IFRD2: variants seen among roughly 807,000 people sequenced by gnomAD.
The protein encoded by IFRD2 is interferon related developmental regulator 2.
Under a neutral mutation model 49.2 loss-of-function variants are expected in IFRD2, and 35 were observed. That is an observed-to-expected ratio of 0.71 (90% CI 0.54 to 0.94). IFRD2 has a LOEUF of 0.94. Among genes scored for constraint, IFRD2 ranks in the 40% least tolerant of loss-of-function variants. The pLI is 0.00. For missense variants in IFRD2, 561 were observed against 591.6 expected (o/e 0.95, Z 0.54); for synonymous variants, 275 against 239.7 (o/e 1.15, Z -1.36).
chr3:50,292,218 T>A lies in IFRD2; in HGVS notation c.57A>T (p.Gly19=), dbSNP rs782090954. The change falls in exon 1 of 12, where the codon GGA becomes GGT. Residue 19 remains glycine (G), a splice_region_variant and synonymous_variant. Transcript: ENST00000417626. The part of the protein sequence containing the change: ...TLRKGGQRRG[G]GARSSAQADS... The stretch of plus-strand genomic sequence containing the variant: ...TCCCGCGCCCCCCACCCCACTCACC[T>A]CCTCCACGGCGCTGACCACCCTTCC... The A allele has an allele frequency of 2.0e-5, 29 of 1,469,448 alleles. No individual in the cohort carries two copies. Among genetic ancestry groups the A allele is most frequent in the Non-Finnish European group, 2.4e-5 (27 of 1,112,588 alleles). 91.0% of individuals were successfully genotyped at this position (1,469,448 alleles called of 1,614,324 possible).
Position 50,289,744 on chromosome 3 carries a change from G to A in IFRD2, c.565C>T (p.Leu189=), listed in dbSNP as rs1553709444. Residue 189 remains leucine, a synonymous_variant, in exon 6 of 12, where the codon CTG becomes TTG. Coordinates refer to ENST00000417626, the MANE Select transcript of IFRD2 (RefSeq NM_006764.5). ...TCAGCGGCAGCCACGTAGCAGCCCAGGCCAAGGGCAGAAGCACACTGTTGG... is the reference window on the plus strand; with the variant it reads ...TCAGCGGCAGCCACGTAGCAGCCCAAGCCAAGGGCAGAAGCACACTGTTGG... ...ARLHCASALG[L]GCYVAAADIQ... is the part of the protein sequence containing the mutation. 6.2e-7 allele frequency: 1 copy of A among 1,603,390 alleles called. No individual in the cohort carries two copies. The highest frequency in any genetic ancestry group is 1.1e-5 in the South Asian group (1 of 88,942).
Position 50,288,700 on chromosome 3 carries a change from G to A in IFRD2, c.1035C>T (p.Cys345=), listed in dbSNP as rs1382154478. The A allele has an allele frequency of 8.1e-6, 13 of 1,613,256 alleles. No homozygotes were observed. Among genetic ancestry groups the A allele is most frequent in the Middle Eastern group, 1.6e-4 (1 of 6,084 alleles). The change falls in exon 10 of 12, where the codon TGC becomes TGT. Residue 345 remains cysteine (C), a synonymous_variant. Coordinates refer to ENST00000417626, the MANE Select transcript of IFRD2 (RefSeq NM_006764.5). The part of the protein sequence containing the change: ...AVLHSVEGGE[C]EEEIVRFGFE... The stretch of plus-strand genomic sequence containing the variant: ...AGCCGAAGCGCACTATCTCTTCTTC[G>A]CATTCACCGCCCTGCAGGGTAGAGG...
In IFRD2 at chr3:50,289,613, G is replaced by A. The variant is rs781899493; in HGVS notation, c.613C>T (p.Leu205Phe). Residue 205 changes from leucine to phenylalanine, a missense_variant, in exon 7 of 12, where the codon CTT becomes TTT. Leu to Phe is a conservative substitution (Grantham distance 22, BLOSUM62 0). Transcript: ENST00000417626. Reference sequence around the variant, plus strand: ...CTGAAAACACTTTCTAAGCAGGCAAGGCAAGAGACCAGGTCCTAGGAGCAC... The same window carrying A: ...CTGAAAACACTTTCTAAGCAGGCAAAGCAAGAGACCAGGTCCTAGGAGCAC... The part of the protein sequence containing the change: ...AADIQDLVSC[L>F]ACLESVFSRF... 1.3e-6 allele frequency: 2 copies of A among 1,597,684 alleles called. No individual in the cohort carries two copies. The highest frequency in any genetic ancestry group is 1.7e-5 in the Admixed American group (1 of 57,168).
Position 50,288,084 on chromosome 3 carries a change from T to TAA in IFRD2, c.*105_*106dup. The TAA allele has an allele frequency of 1.9e-6, 2 of 1,079,252 alleles. No individual in the cohort carries two copies. Among genetic ancestry groups the TAA allele is most frequent in the Non-Finnish European group, 2.7e-6 (2 of 728,906 alleles). The allele number at this position is 1,079,252 out of a possible 1,614,324, so 66.9% of individuals were successfully genotyped here. A position where few individuals can be genotyped will look rare whatever the true frequency, so the allele number is the denominator to read the frequency against. On this transcript the variant is annotated 3_prime_UTR_variant, in exon 12 of 12. Transcript: ENST00000417626. ...CCATGTCTGTTTTTGGTTTTGTCAT[T>TAA]AAAAAAAATAAAGTGACAAATACTG...
At position 50,288,515 on chromosome 3, in the gene IFRD2, G is replaced by T. The variant is rs1701604035; in HGVS notation, c.1153-11C>A. On this transcript the variant is annotated splice_polypyrimidine_tract_variant and intron_variant, in intron 10 of 11. Transcript: ENST00000417626. ...GAGTAGCTCATTGTTCTGGGGGGCA[G>T]AGGGCAGTGAGCTCAGGCCAGACTG... is the stretch of plus-strand genomic sequence containing the variant. 1 of 1,613,982 alleles carries T rather than the reference G, an allele frequency of 6.2e-7. No individual in the cohort carries two copies. Among genetic ancestry groups the T allele is most frequent in the East Asian group, 2.2e-5 (1 of 44,892 alleles).
intron 1 of IFRD2, 49 bp from the exon 2 acceptor site, chr3:50,290,728 T>C (rs587686470): frequency 6.3e-7 from 1 of 1,597,300 alleles, no homozygotes; most frequent in African/African-American, 1.3e-5. Context: ...TGATGAGGGA[T>C]GGCTGGGGGT....
At position 50,289,965 on chromosome 3, in the gene IFRD2, G is replaced by C; in HGVS notation, c.510C>G (p.Leu170=). ...HSLQPLLVSV[L]SDSTASPAAR... ...CAGCAGGGCTAGCTGTGCTGTCACT[G>C]AGCACAGAGACCAGCAGAGGCTGCA... The change falls in exon 5 of 12, where the codon CTC becomes CTG. Residue 170 remains leucine, a synonymous_variant. Coordinates refer to ENST00000417626, the MANE Select transcript of IFRD2 (RefSeq NM_006764.5). 1 of 1,612,962 alleles carries C rather than the reference G, an allele frequency of 6.2e-7. No individual in the cohort carries two copies. Among genetic ancestry groups the C allele is most frequent in the Non-Finnish European group, 8.5e-7 (1 of 1,179,566 alleles).
rs1701634358 is a variant in IFRD2, at chr3:50,289,706, C to T, written c.597+6G>A. On this transcript the variant is annotated splice_donor_region_variant and intron_variant, in intron 6 of 11. Coordinates refer to ENST00000417626, the MANE Select transcript of IFRD2 (RefSeq NM_006764.5). ...GCTCTACCACCTGTGCCCAAAGACC[C>T]CTCACCTGGATGTCAGCGGCAGCCA... is the stretch of plus-strand genomic sequence containing the variant. The T allele has an allele frequency of 1.9e-6, 3 of 1,600,866 alleles. No individual in the cohort carries two copies. The highest frequency in any genetic ancestry group is 2.6e-6 in the Non-Finnish European group (3 of 1,174,020).
At position 50,289,576 on chromosome 3, in the gene IFRD2, C is replaced by T; in HGVS notation, c.650G>A (p.Gly217Asp). The T allele has an allele frequency of 6.3e-7, 1 of 1,587,168 alleles. No individual in the cohort carries two copies. The highest frequency in any genetic ancestry group is 8.6e-7 in the Non-Finnish European group (1 of 1,167,292). ...AGGACTTGTGGAGCTGCCCCCCAAG[C>T]CATAGAACCGGCTGAAAACACTTTC... Reference protein sequence around the residue: ...CLESVFSRFYGLGGSSTSPVV... With the variant: ...CLESVFSRFYDLGGSSTSPVV... The change falls in exon 7 of 12, where the codon GGC becomes GAC. Residue 217 changes from glycine (G) to aspartate (D), a missense_variant. Coordinates refer to ENST00000417626, the MANE Select transcript of IFRD2 (RefSeq NM_006764.5).
Position 50,288,810 on chromosome 3 carries a change from T to C in IFRD2, c.1013A>G (p.His338Arg). 6.2e-7 allele frequency: 1 copy of C among 1,613,360 alleles called. No homozygotes were observed. Among genetic ancestry groups the C allele is most frequent in the South Asian group, 1.1e-5 (1 of 90,986 alleles). ...RQRSTFRAVL[H>R]SVEGGECEEE... ...TGTTCTCACACACACCTCCACGGAG[T>C]GCAGCACGGCGCGGAAAGTAGAGCG... Residue 338 changes from histidine (H) to arginine (R), a missense_variant, in exon 9 of 12, where the codon CAC (histidine) becomes CGC (arginine). Physicochemically the swap from His to Arg is conservative, Grantham distance 29 (BLOSUM62 0). Coordinates refer to ENST00000417626, the MANE Select transcript of IFRD2 (RefSeq NM_006764.5).
Position 50,289,461 on chromosome 3 carries a change from G to T in IFRD2, c.765C>A (p.Ser255Arg). 1 of 1,580,180 alleles carries T rather than the reference G, an allele frequency of 6.3e-7. No individual in the cohort carries two copies. The part of the protein sequence containing the change: ...LLTICPSTQI[S>R]HILDRQLPRL... ...GCCACCCCTACCTGTCAAGGATGTG[G>T]CTGATTTGGGTGCTAGGGCAGATGG... Residue 255 changes from serine (S) to arginine (R), a missense_variant, in exon 7 of 12, where the codon AGC becomes AGA. Coordinates refer to ENST00000417626, the MANE Select transcript of IFRD2 (RefSeq NM_006764.5).
chr3:50,291,340 C>G (rs587662786), intron 1 of IFRD2, among the ~76,000 whole-genome samples: 57 of 152,166 alleles, frequency 3.7e-4, no homozygotes, highest in South Asian at 3.5e-3. Context: ...ATTCTACCTG[C>G]CGGAGCAGCC....
intron 1 of IFRD2, chr3:50,291,773 G>A (rs1701678432): frequency 5.7e-6 from 1 of 174,306 alleles, no homozygotes; most frequent in Admixed American, 6.1e-5. Context: ...CAGCTACCTT[G>A]TGGAGTCAGG....
chr3:50,292,401 G>C lies in IFRD2; in HGVS notation c.-127C>G, dbSNP rs782521153. The C allele has an allele frequency of 1.3e-6, 2 of 1,591,708 alleles. No homozygotes were observed. Among genetic ancestry groups the C allele is most frequent in the South Asian group, 1.1e-5 (1 of 89,502 alleles). On this transcript the variant is annotated 5_prime_UTR_variant, in exon 1 of 12. Coordinates refer to ENST00000417626, the MANE Select transcript of IFRD2 (RefSeq NM_006764.5). ...ACGACGGGAGCCACACGCCACGCGC[G>C]CCACCATCTTCGCGAGGCGCCCCGC...
Position 50,288,075 on chromosome 3 carries a change from T to G in IFRD2, c.*116A>C. The G allele has an allele frequency of 9.9e-7, 1 of 1,007,608 alleles. No homozygotes were observed. Among genetic ancestry groups the G allele is most frequent in the Non-Finnish European group, 1.5e-6 (1 of 665,922 alleles). 62.4% of individuals were successfully genotyped at this position (1,007,608 alleles called of 1,614,324 possible). A position where few individuals can be genotyped will look rare whatever the true frequency, so the allele number is the denominator to read the frequency against. On this transcript the variant is annotated 3_prime_UTR_variant, in exon 12 of 12. Transcript: ENST00000417626. ...CTACCCACCCCATGTCTGTTTTTGG[T>G]TTTGTCATTAAAAAAAATAAAGTGA...
At position 50,291,982 on chromosome 3, in the gene IFRD2, CG is replaced by C. The variant is rs1701685416; in HGVS notation, c.58+234del. On this transcript the variant is annotated intron_variant, in intron 1 of 11. Coordinates refer to ENST00000417626, the MANE Select transcript of IFRD2 (RefSeq NM_006764.5). ...GCAACTGAGGCCCGGAGGGGCTGGCCGGGTCACCGCTGGGAGCGCGGACTCC... is the reference window on the plus strand; with the variant it reads ...GCAACTGAGGCCCGGAGGGGCTGGCCGGTCACCGCTGGGAGCGCGGACTCC... The C allele has an allele frequency of 5.8e-6, 3 of 520,780 alleles. No homozygotes were observed. In the Admixed American group the frequency reaches 1.2e-4, roughly 20 times the overall value. The allele number at this position is 520,780 out of a possible 1,614,324, so 32.3% of individuals were successfully genotyped here. A position where few individuals can be genotyped will look rare whatever the true frequency, so the allele number is the denominator to read the frequency against.
chr3:50,287,803 A>T lies in IFRD2; in HGVS notation c.*388T>A, dbSNP rs1701584679. ...TCCTTAAAAATCAGCACACAAATCC[A>T]TTCCAGGTAGCTTTGCCACCCCACC... On this transcript the variant is annotated 3_prime_UTR_variant, in exon 12 of 12. Transcript: ENST00000417626. The T allele has an allele frequency of 4.0e-6, 1 of 249,904 alleles. No homozygotes were observed. 15.5% of individuals were successfully genotyped at this position (249,904 alleles called of 1,614,324 possible). A position where few individuals can be genotyped will look rare whatever the true frequency, so the allele number is the denominator to read the frequency against.
At chr3:50,289,147 C>A in intron 8 of IFRD2, 108 bp downstream of exon 8, 1 of 1,186,474 alleles carries the variant, frequency 8.4e-7, no homozygotes, top group African/African-American at 1.5e-5. Context: ...GGGGCCACCT[C>A]CTCTGCATAA....
At position 50,290,655 on chromosome 3, in the gene IFRD2, T is replaced by C; in HGVS notation, c.83A>G (p.Asp28Gly). The change falls in exon 2 of 12, where the codon GAC (aspartate) becomes GGC (glycine). Residue 28 changes from aspartate to glycine, a missense_variant. Physicochemically the swap from Asp to Gly is moderately conservative, Grantham distance 94. Transcript: ENST00000417626. ...TGCCTCATCGTCACTGGAACCCGAG[T>C]CAGCTTGGGCACTGCTCCGGGCACC... ...GGGARSSAQA[D>G]SGSSDDEAAS... The C allele has an allele frequency of 1.2e-6, 2 of 1,613,760 alleles. No individual in the cohort carries two copies. Among genetic ancestry groups the C allele is most frequent in the Non-Finnish European group, 1.7e-6 (2 of 1,179,842 alleles).
Sources: gnomAD v4.1 joint callset for allele counts (sites outside exome capture counted in the v4.1 genomes callset) on GRCh38, gnomAD v4.1.1 for gene constraint, MANE v1.5 for transcripts, NCBI Gene and HGNC (gene_info 2026-07-23, HGNC 2026-07-21) for gene names.